SIAH1: variants seen among roughly 807,000 people sequenced by gnomAD.
SIAH1 encodes siah E3 ubiquitin protein ligase 1.
SIAH1 carries 2 observed loss-of-function variants against 20.0 expected under a neutral mutation model. The ratio of observed to expected loss-of-function variants is 0.10; its 90% CI spans 0.04 to 0.31. SIAH1 has a LOEUF of 0.31. Ranked by LOEUF, SIAH1 falls within the 10% of genes least tolerant of loss-of-function variation. The probability of loss-of-function intolerance (pLI) is 1.00; values close to 1 mark genes in which losing one functional copy is unlikely to be tolerated. For missense variants in SIAH1, 119 were observed against 355.3 expected (o/e 0.33, Z 5.35); for synonymous variants, 118 against 125.3 (o/e 0.94, Z 0.39).
rs371048288 is a variant in SIAH1, at chr16:48,367,854, CA to C, written c.-2-5425del. ...ACAAGCCCATAGAATCCAAAACTGG[CA>C]AAAATCCAAAACTTAGCAAGAATGC... On this transcript the variant is annotated intron_variant, in intron 1 of 1. Coordinates refer to ENST00000394725, the MANE Select transcript of SIAH1 (RefSeq NM_003031.4). Among the ~76,000 whole-genome samples, 248 of 152,258 alleles carry C rather than the reference CA, an allele frequency of 1.6e-3. 1 individual carries two copies. Among genetic ancestry groups the C allele is most frequent in the African/African-American group, 5.7e-3 (237 of 41,536 alleles).
At position 48,368,452 on chromosome 16, in the gene SIAH1, T is replaced by C. The variant is rs142106034; in HGVS notation, c.-2-6022A>G. 5.5e-3 allele frequency among the ~76,000 whole-genome samples: 844 copies of C among 152,318 alleles called. 9 individuals are homozygous for C. The highest frequency in any genetic ancestry group is 0.02 in the African/African-American group (820 of 41,562). Reference sequence around the variant, plus strand: ...GGCTCACGCCTGTAATCACAGCACTTTGGGAGGCCAAGGCAGGTGGATCAC... The same window carrying C: ...GGCTCACGCCTGTAATCACAGCACTCTGGGAGGCCAAGGCAGGTGGATCAC... On this transcript the variant is annotated intron_variant, in intron 1 of 1. Transcript: ENST00000394725.
chr16:48,381,127 C>T (rs1230472233), intron 1 of SIAH1, among the ~76,000 whole-genome samples: 1 of 151,856 alleles, frequency 6.6e-6, no homozygotes, highest in Non-Finnish European at 1.5e-5. Flanking sequence ...GGCAGATCAC[C>T]TGAGGTCAGG....
At chr16:48,368,074 CGTG>C (rs1960886579) in intron 1 of SIAH1, among the ~76,000 whole-genome samples, 1 of 152,144 alleles carries the variant, frequency 6.6e-6, no homozygotes. Context: ...CTCAATTCCA[CGTG>C]GTAATCTTTG....
At chr16:48,379,126 C>A (rs1567376269) in intron 1 of SIAH1, among the ~76,000 whole-genome samples, 2 of 151,850 alleles carry the variant, frequency 1.3e-5, no homozygotes. Flanking sequence ...CTTAAAGTCA[C>A]AAACACAACT....
chr16:48,373,740 C>T (rs191568177), intron 1 of SIAH1, among the ~76,000 whole-genome samples: 8 of 152,210 alleles, frequency 5.3e-5, no homozygotes, highest in African/African-American at 1.4e-4. Context: ...CTACACCCTC[C>T]GCTGGCTACC....
intron 1 of SIAH1, among the ~76,000 whole-genome samples, chr16:48,367,089 A>G (rs1357836745): frequency 6.6e-6 from 1 of 152,158 alleles, no homozygotes; most frequent in East Asian, 1.9e-4. Flanking sequence ...TTGTAAAGAT[A>G]GGGAGTCCCC....
chr16:48,376,608 C>A (rs1026157174), intron 1 of SIAH1, among the ~76,000 whole-genome samples: 1 of 152,196 alleles, frequency 6.6e-6, no homozygotes, highest in African/African-American at 2.4e-5. Context: ...TCTCCCGTCT[C>A]AGCCTCCCAA....
intron 1 of SIAH1, among the ~76,000 whole-genome samples, chr16:48,384,948 G>C (rs1470212282): frequency 6.9e-6 from 1 of 145,190 alleles, no homozygotes; most frequent in Non-Finnish European, 1.5e-5. Context: ...GCCGACCCCC[G>C]CCGCCACCCC....
intron 1 of SIAH1, among the ~76,000 whole-genome samples, chr16:48,384,863 G>C (rs1207770503): frequency 6.9e-6 from 1 of 145,734 alleles, no homozygotes; most frequent in African/African-American, 2.5e-5. Flanking sequence ...ACCCCCGGCC[G>C]GGCCCGCCTC....
chr16:48,378,673 A>C (rs1961175482), intron 1 of SIAH1, among the ~76,000 whole-genome samples: 1 of 152,196 alleles, frequency 6.6e-6, no homozygotes, highest in Admixed American at 6.5e-5. Flanking sequence ...CTTGAACAAC[A>C]GCCAGATGCT....
At chr16:48,387,012 AAC>A (rs1180539009), upstream of SIAH1, 1 of 152,264 alleles carries the variant, frequency 6.6e-6, no homozygotes, top group African/African-American at 2.4e-5. Flanking sequence ...ATCTGAAAAT[AAC>A]AGTCTGTCTC....
chr16:48,383,554 G>C (rs1052233121), intron 1 of SIAH1, among the ~76,000 whole-genome samples: 2 of 152,176 alleles, frequency 1.3e-5, no homozygotes, highest in Non-Finnish European at 2.9e-5. Context: ...AGTATTCACT[G>C]TCCCACTTTT....
At chr16:48,374,289 T>C (rs1038463443) in intron 1 of SIAH1, among the ~76,000 whole-genome samples, 11 of 152,246 alleles carry the variant, frequency 7.2e-5, no homozygotes, top group Non-Finnish European at 1.3e-4. Flanking sequence ...AAATATTTTT[T>C]GGATGAATAA....
chr16:48,386,744 A>G (rs1336405244), upstream of SIAH1, among the ~76,000 whole-genome samples: 2 of 152,090 alleles, frequency 1.3e-5, no homozygotes, highest in East Asian at 1.9e-4. Context: ...TTTACAGACT[A>G]TGTGCTTGGC....
rs1278419435 is a variant in SIAH1 at position 48,361,497 on chromosome 16, T to C, written c.*83A>G. The stretch of plus-strand genomic sequence containing the variant: ...TCTAGCTTCCACCTACCGAAAGAGT[T>C]TTAGGTTGGCAGACAGATGGGTGCC... On this transcript the variant is annotated 3_prime_UTR_variant, in exon 2 of 2. Transcript: ENST00000394725. 2.8e-6 allele frequency: 4 copies of C among 1,431,022 alleles called. No homozygotes were observed. In the South Asian group the frequency reaches 3.5e-5, roughly 12 times the overall value. 88.6% of individuals were successfully genotyped at this position (1,431,022 alleles called of 1,614,324 possible).
chr16:48,362,132 T>C lies in SIAH1; in HGVS notation c.297A>G (p.Lys99=). ...KVANSVLFPC[K]YASSGCEITL... ...TTATTTCACATCCAGAAGACGCATA[T>C]TTACAGGGGAAAAGTACTGAATTAG... Residue 99 remains lysine (K), a synonymous_variant, in exon 2 of 2, where the codon AAA becomes AAG. Transcript: ENST00000394725. This position sits in a 1 kb window ranked among gnomAD's most constrained non-coding sequence, Gnocchi z 4.2. 2.5e-6 allele frequency: 4 copies of C among 1,614,180 alleles called. No homozygotes were observed. The highest frequency in any genetic ancestry group is 3.4e-6 in the Non-Finnish European group (4 of 1,180,036).
chr16:48,367,698 A>G (rs531840686), intron 1 of SIAH1, among the ~76,000 whole-genome samples: 37 of 152,244 alleles, frequency 2.4e-4, no homozygotes, highest in Non-Finnish European at 4.9e-4. Context: ...AACCTTGCAA[A>G]GGTGATCAAA....
chr16:48,384,405 G>A (rs748535346), intron 1 of SIAH1, among the ~76,000 whole-genome samples: 17 of 152,024 alleles, frequency 1.1e-4, no homozygotes, highest in East Asian at 1.9e-4. Flanking sequence ...CATCGGAGTG[G>A]CCCAGGTTAT....
At chr16:48,385,907 C>T (rs1004666478), upstream of SIAH1, among the ~76,000 whole-genome samples, 1 of 152,202 alleles carries the variant, frequency 6.6e-6, no homozygotes, top group South Asian at 2.1e-4. Context: ...AAAGCGGCTG[C>T]CCTGCCCGCC....
Sources: allele counts gnomAD v4.1 joint callset (sites outside exome capture counted in the v4.1 genomes callset), GRCh38; gene constraint gnomAD v4.1.1; non-coding constraint Gnocchi (gnomAD v3.1); transcripts MANE v1.5; gene names NCBI Gene and HGNC (gene_info 2026-07-23, HGNC 2026-07-21).